The following CTNNA3 variants were observed in gnomAD, a reference collection of about 807,000 sequenced individuals.
The protein encoded by CTNNA3 is catenin alpha 3, also known as catenin alpha-3.
A neutral mutation model predicts 95.7 loss-of-function variants in CTNNA3; 76 were observed. The ratio of observed to expected loss-of-function variants is 0.79; its 90% CI spans 0.66 to 0.96. The LOEUF is 0.96. CTNNA3 is among the 40% of genes least tolerant of loss of function. CTNNA3 has a pLI of 0.00. For missense variants in CTNNA3, 1,191 were observed against 1,089.8 expected (o/e 1.09, Z -1.31); for synonymous variants, 431 against 374.4 (o/e 1.15, Z -1.74).
intron 5 of CTNNA3, among the ~76,000 whole-genome samples, chr10:67,464,763 T>C (rs1486630875): frequency 1.3e-5 from 2 of 152,042 alleles, no homozygotes; most frequent in African/African-American, 2.4e-5. Flanking sequence ...ACCCAGGGAA[T>C]GATTATTCAG....
At chr10:66,277,892 A>G (rs1384225968) in intron 13 of CTNNA3, among the ~76,000 whole-genome samples, 2 of 152,078 alleles carry the variant, frequency 1.3e-5, no homozygotes, top group Non-Finnish European at 1.5e-5. Context: ...TCTCAGTTGC[A>G]TGGAACATCA....
intron 5 of CTNNA3, among the ~76,000 whole-genome samples, chr10:67,459,479 A>G (rs1304591409): frequency 1.3e-5 from 2 of 152,076 alleles, no homozygotes; most frequent in African/African-American, 2.4e-5. Context: ...TTCAAATAGG[A>G]TATTTTCATC....
chr10:66,613,589 C>T (rs917320162), intron 10 of CTNNA3, among the ~76,000 whole-genome samples: 1 of 152,066 alleles, frequency 6.6e-6, no homozygotes, highest in East Asian at 1.9e-4. Context: ...CACACCATCA[C>T]TAGAAAGAAA....
intron 10 of CTNNA3, among the ~76,000 whole-genome samples, chr10:66,600,822 T>C (rs1843894397): frequency 6.6e-6 from 1 of 151,916 alleles, no homozygotes; most frequent in Non-Finnish European, 1.5e-5. Flanking sequence ...CAGACTTAAA[T>C]GTTGAAAAGT....
chr10:67,523,739 A>G (rs1353397916), intron 4 of CTNNA3, among the ~76,000 whole-genome samples: 1 of 152,092 alleles, frequency 6.6e-6, no homozygotes, highest in East Asian at 1.9e-4. Context: ...AAATCAGTTC[A>G]TTTTCCCCCA....
intron 7 of CTNNA3, among the ~76,000 whole-genome samples, chr10:67,062,157 T>C (rs1855793745): frequency 6.6e-6 from 1 of 150,756 alleles, no homozygotes. Flanking sequence ...AGGTGGATGA[T>C]ATTTGTATCC....
At chr10:66,733,468 G>T (rs565756658) in intron 9 of CTNNA3, among the ~76,000 whole-genome samples, 23 of 151,910 alleles carry the variant, frequency 1.5e-4, no homozygotes, top group Admixed American at 1.4e-3. Flanking sequence ...GAGAAGTGTT[G>T]AGTCAAAGAA....
chr10:67,605,333 A>G (rs1057489888), intron 3 of CTNNA3, among the ~76,000 whole-genome samples: 1 of 152,218 alleles, frequency 6.6e-6, no homozygotes, highest in Admixed American at 6.5e-5. Flanking sequence ...TCATACAGAG[A>G]CAGAGAATAA....
At chr10:67,518,583 A>G (rs1208169194) in intron 5 of CTNNA3, among the ~76,000 whole-genome samples, 1 of 152,100 alleles carries the variant, frequency 6.6e-6, no homozygotes, top group East Asian at 1.9e-4. Context: ...GTCAACTTTA[A>G]TTTATATCAA....
Position 66,642,909 on chromosome 10 carries a change from A to G in CTNNA3, c.1282-21125T>C, listed in dbSNP as rs138677032. Among the ~76,000 whole-genome samples, 637 of 152,224 alleles carry G rather than the reference A, an allele frequency of 4.2e-3. 3 individuals carry two copies. The highest frequency in any genetic ancestry group is 7.0e-3 in the Non-Finnish European group (474 of 68,002). On this transcript the variant is annotated intron_variant, in intron 9 of 17. Transcript: ENST00000433211. ...AAGTTCTAGCGATTATTGTGAAAGT[A>G]CCTGTTTCTAGACCAACTCTTTAAG...
At chr10:66,509,637 T>G (rs906308076) in intron 11 of CTNNA3, among the ~76,000 whole-genome samples, 8 of 151,952 alleles carry the variant, frequency 5.3e-5, no homozygotes, top group African/African-American at 1.9e-4. Flanking sequence ...TTTTTTTCAA[T>G]GTATATTCTT....
At chr10:66,607,639 A>C (rs956177520) in intron 10 of CTNNA3, among the ~76,000 whole-genome samples, 1 of 152,078 alleles carries the variant, frequency 6.6e-6, no homozygotes, top group South Asian at 2.1e-4. Context: ...CCTGGGATGC[A>C]AGGTTGATTC....
intron 11 of CTNNA3, among the ~76,000 whole-genome samples, chr10:66,430,170 G>A (rs375091501): frequency 1.4e-5 from 2 of 147,746 alleles, no homozygotes; most frequent in South Asian, 2.2e-4. Flanking sequence ...CAAAGAGAAT[G>A]AAATACCTAG....
At chr10:67,369,399 A>T (rs976468612) in intron 5 of CTNNA3, among the ~76,000 whole-genome samples, 6 of 152,190 alleles carry the variant, frequency 3.9e-5, no homozygotes, top group Admixed American at 3.9e-4. Context: ...TAAATAGATC[A>T]AAGATTTGCT....
chr10:67,618,921 G>A (rs546009236), intron 2 of CTNNA3, among the ~76,000 whole-genome samples: 1 of 152,220 alleles, frequency 6.6e-6, no homozygotes, highest in South Asian at 2.1e-4. Context: ...GATCTTTAAT[G>A]TCCCAAAGTC....
chr10:66,658,035 G>A (rs1846127075), intron 9 of CTNNA3, among the ~76,000 whole-genome samples: 2 of 152,128 alleles, frequency 1.3e-5, no homozygotes. Flanking sequence ...TACTTATCAT[G>A]GAGATGTGTG....
At chr10:66,358,215 G>C (rs980456262) in intron 12 of CTNNA3, among the ~76,000 whole-genome samples, 7 of 152,134 alleles carry the variant, frequency 4.6e-5, no homozygotes, top group Admixed American at 2.6e-4. Flanking sequence ...AGTTAAATGA[G>C]TTTCATCCCA....
intron 5 of CTNNA3, among the ~76,000 whole-genome samples, chr10:67,329,167 T>G (rs910150810): frequency 6.6e-6 from 1 of 151,658 alleles, no homozygotes; most frequent in South Asian, 2.1e-4. Flanking sequence ...AGCTCAGGAG[T>G]TCAAGACCAG....
chr10:66,990,103 G>C (rs978497748), intron 7 of CTNNA3, among the ~76,000 whole-genome samples: 44 of 152,148 alleles, frequency 2.9e-4, no homozygotes, highest in African/African-American at 1.0e-3. Flanking sequence ...TTTTCTTTAA[G>C]AGTTTATACT....
Sources: allele counts gnomAD v4.1 joint callset (sites outside exome capture counted in the v4.1 genomes callset), GRCh38; gene constraint gnomAD v4.1.1; transcripts MANE v1.5; gene names NCBI Gene and HGNC (gene_info 2026-07-23, HGNC 2026-07-21).